The following SV2B variants were observed in gnomAD, a reference collection of about 807,000 sequenced individuals.
SV2B encodes solute carrier family 22 member B2.
In SV2B, 41 loss-of-function variants were observed where a neutral mutation model predicts 73.9. That is an observed-to-expected ratio of 0.56 (90% CI 0.43 to 0.72). The LOEUF is 0.72. SV2B is among the 30% of genes least tolerant of loss of function. SV2B has a pLI of 0.00. For missense variants in SV2B, 764 were observed against 857.8 expected (o/e 0.89, Z 1.37); for synonymous variants, 314 against 314.2 (o/e 1.00, Z 0.01).
rs1416818234 is a variant in SV2B, at chr15:91,298,484, T to C, written c.*5932T>C. On this transcript the variant is annotated 3_prime_UTR_variant, in exon 13 of 13. Coordinates refer to ENST00000394232, the MANE Select transcript of SV2B (RefSeq NM_001323032.3). The surrounding 1 kb of genome is among the most constrained non-coding windows in gnomAD (Gnocchi z 5.4). Reference sequence around the variant, plus strand: ...GCGAGATTTCCAAAAAGATGAATGATGAAATGAAACAGACTGAAGCTATCT... The same window carrying C: ...GCGAGATTTCCAAAAAGATGAATGACGAAATGAAACAGACTGAAGCTATCT... The C allele has an allele frequency of 6.6e-6, 1 of 152,218 alleles. No homozygotes were observed. Among genetic ancestry groups the C allele is most frequent in the Non-Finnish European group, 1.5e-5 (1 of 68,038 alleles). The allele number at this position is 152,218 out of a possible 1,614,324, so 9.4% of individuals were successfully genotyped here.
rs534334428 is a variant in SV2B at position 91,223,861 on chromosome 15, A to G, written c.-391-2012A>G. ...TCTTTGGCACTGTTTCTCAAAGTGC[A>G]GTCCTGGATTCCGTGTGTTATTTGT... On this transcript the variant is annotated intron_variant, in intron 1 of 12. Transcript: ENST00000394232. The surrounding 1 kb of genome is among the most constrained non-coding windows in gnomAD (Gnocchi z 4.6). Among the ~76,000 whole-genome samples, 1 of 152,350 alleles carries G rather than the reference A, an allele frequency of 6.6e-6. No individual in the cohort carries two copies. Among genetic ancestry groups the G allele is most frequent in the Non-Finnish European group, 1.5e-5 (1 of 68,030 alleles).
chr15:91,251,738 A>T, intron 2 of SV2B, 81 bp from the exon 3 acceptor site: 3 of 1,424,196 alleles, frequency 2.1e-6, no homozygotes. Context: ...ATAAAAATGA[A>T]CATTGTATTT....
rs1169601906 is a variant in SV2B at position 91,118,217 on chromosome 15, C to T, written c.-392+17854C>T. Among the ~76,000 whole-genome samples, 2 of 152,170 alleles carry T rather than the reference C, an allele frequency of 1.3e-5. No individual in the cohort carries two copies. Among genetic ancestry groups the T allele is most frequent in the Non-Finnish European group, 2.9e-5 (2 of 68,012 alleles). ...AAAGGGAGACAGGGTACCTTGCACC[C>T]TAGCTGGGTGTTTGCTGATCCATGG... On this transcript the variant is annotated intron_variant, in intron 1 of 12. Coordinates refer to ENST00000394232, the MANE Select transcript of SV2B (RefSeq NM_001323032.3). This position sits in a 1 kb window ranked among gnomAD's most constrained non-coding sequence, Gnocchi z 4.7.
intron 1 of SV2B, among the ~76,000 whole-genome samples, chr15:91,199,094 G>T (rs1044864330): frequency 6.6e-6 from 1 of 152,058 alleles, no homozygotes; most frequent in Non-Finnish European, 1.5e-5. Flanking sequence ...TGAACTCCTG[G>T]ACTCAAGCAA....
Position 91,281,590 on chromosome 15 carries a change from A to C in SV2B, c.1374-138A>C. On this transcript the variant is annotated intron_variant, in intron 9 of 12. Transcript: ENST00000394232. This position sits in a 1 kb window ranked among gnomAD's most constrained non-coding sequence, Gnocchi z 4.7. ...TAAACAAACAGCTAAGAAGTGGGGA[A>C]GTGGTCTGGGTTGAAAATAATGCTC... 1 of 941,496 alleles carries C rather than the reference A, an allele frequency of 1.1e-6. No homozygotes were observed. The highest frequency in any genetic ancestry group is 1.5e-6 in the Non-Finnish European group (1 of 652,134). 58.3% of individuals were successfully genotyped at this position (941,496 alleles called of 1,614,324 possible). A position where few individuals can be genotyped will look rare whatever the true frequency, so the allele number is the denominator to read the frequency against.
intron 1 of SV2B, among the ~76,000 whole-genome samples, chr15:91,204,885 C>T (rs1033453511): frequency 2.0e-5 from 3 of 152,024 alleles, no homozygotes; most frequent in Non-Finnish European, 4.4e-5. Context: ...CTTACCACCA[C>T]CTTGTGAGCT....
chr15:91,118,061 A>G lies in SV2B; in HGVS notation c.-392+17698A>G, dbSNP rs189269400. On this transcript the variant is annotated intron_variant, in intron 1 of 12. Transcript: ENST00000394232. This position sits in a 1 kb window ranked among gnomAD's most constrained non-coding sequence, Gnocchi z 4.7. ...GTCTATGTAAGTAGAGGGATTAAAAAAAGTGGGTAGAATTTTTGAAATCTT... is the reference window on the plus strand; with the variant it reads ...GTCTATGTAAGTAGAGGGATTAAAAGAAGTGGGTAGAATTTTTGAAATCTT... Among the ~76,000 whole-genome samples the G allele has an allele frequency of 2.6e-5, 4 of 152,340 alleles. No homozygotes were observed. The highest frequency in any genetic ancestry group is 2.6e-4 in the Admixed American group (4 of 15,304).
chr15:91,116,788 G>A (rs979947290), intron 1 of SV2B, among the ~76,000 whole-genome samples: 4 of 152,164 alleles, frequency 2.6e-5, no homozygotes, highest in Non-Finnish European at 5.9e-5. Context: ...AGGTTTAATG[G>A]ATTCACAGTT....
chr15:91,255,599 G>C (rs917888420), intron 4 of SV2B, among the ~76,000 whole-genome samples: 9 of 152,176 alleles, frequency 5.9e-5, no homozygotes, highest in Admixed American at 5.2e-4. Context: ...AACACCACCT[G>C]TTCCCCAATA....
chr15:91,168,332 A>AGAGAGAGAGAGAGAGAG (rs1567308862), intron 1 of SV2B, among the ~76,000 whole-genome samples: 28 of 78,410 alleles, frequency 3.6e-4, no homozygotes, highest in African/African-American at 1.2e-3. Context: ...GAGAGAGAGA[A>AGAGAGAGAGAGAGAGAG]AAGAAATTTC....
chr15:91,188,689 A>C (rs1450634077), intron 1 of SV2B, among the ~76,000 whole-genome samples: 1 of 152,030 alleles, frequency 6.6e-6, no homozygotes, highest in Non-Finnish European at 1.5e-5. Context: ...TTTTTTGAAA[A>C]AGATTAATCT....
At chr15:91,190,539 G>A (rs931791405) in intron 1 of SV2B, among the ~76,000 whole-genome samples, 6 of 152,034 alleles carry the variant, frequency 3.9e-5, no homozygotes, top group Admixed American at 6.5e-5. Flanking sequence ...TACTTATTTG[G>A]AGTGCCTTCT....
chr15:91,203,249 C>T (rs1359761719), intron 1 of SV2B, among the ~76,000 whole-genome samples: 5 of 152,214 alleles, frequency 3.3e-5, no homozygotes, highest in African/African-American at 9.6e-5. Flanking sequence ...GGCTGTCCAA[C>T]TGCATAGTCA....
At chr15:91,269,879 CAT>C (rs1427939537) in intron 9 of SV2B, among the ~76,000 whole-genome samples, 1 of 152,216 alleles carries the variant, frequency 6.6e-6, no homozygotes, top group Non-Finnish European at 1.5e-5. Flanking sequence ...TCTCCATACT[CAT>C]ATACCCATGC....
chr15:91,104,684 G>A (rs886172645), intron 1 of SV2B, among the ~76,000 whole-genome samples: 1 of 152,184 alleles, frequency 6.6e-6, no homozygotes. Context: ...CCCAGGCTGA[G>A]TGCAGTGGTG....
chr15:91,142,918 A>AT (rs1248921872), intron 1 of SV2B, among the ~76,000 whole-genome samples: 1 of 152,214 alleles, frequency 6.6e-6, no homozygotes, highest in Non-Finnish European at 1.5e-5. Context: ...ATACTCTTAC[A>AT]TTTTTACAGC....
At chr15:91,119,714 A>C (rs2042275017) in intron 1 of SV2B, among the ~76,000 whole-genome samples, 1 of 152,254 alleles carries the variant, frequency 6.6e-6, no homozygotes, top group Non-Finnish European at 1.5e-5. Flanking sequence ...GACAGCTAGC[A>C]CTATGCATGT....
rs1259320559 is a variant in SV2B, at chr15:91,299,984, A to T, written c.*7432A>T. On this transcript the variant is annotated 3_prime_UTR_variant, in exon 13 of 13. Coordinates refer to ENST00000394232, the MANE Select transcript of SV2B (RefSeq NM_001323032.3). Reference sequence around the variant, plus strand: ...TTAAATTTTGGGGAAGTTCATGGAGATATTTTTGACATGTAAAAGTAGAAA... The same window carrying T: ...TTAAATTTTGGGGAAGTTCATGGAGTTATTTTTGACATGTAAAAGTAGAAA... 1 of 152,212 alleles carries T rather than the reference A, an allele frequency of 6.6e-6. No individual in the cohort carries two copies. The highest frequency in any genetic ancestry group is 2.4e-5 in the African/African-American group (1 of 41,448). The allele number at this position is 152,212 out of a possible 1,614,324, so 9.4% of individuals were successfully genotyped here.
At chr15:91,264,964 T>C (rs2048049866) in intron 6 of SV2B, among the ~76,000 whole-genome samples, 1 of 152,144 alleles carries the variant, frequency 6.6e-6, no homozygotes, top group Non-Finnish European at 1.5e-5. Flanking sequence ...CTATACTGAC[T>C]TGATGATTAT....
Sources: allele counts gnomAD v4.1 joint callset (sites outside exome capture counted in the v4.1 genomes callset), GRCh38; gene constraint gnomAD v4.1.1; non-coding constraint Gnocchi (gnomAD v3.1); transcripts MANE v1.5; gene names NCBI Gene and HGNC (gene_info 2026-07-23, HGNC 2026-07-21).